Variants in SLC7A11 observed in about 807,000 individuals in gnomAD.
SLC7A11 encodes cystine/glutamate transporter.
A neutral mutation model predicts 54.5 loss-of-function variants in SLC7A11; 35 were observed. The observed-to-expected ratio is 0.64, with a 90% CI of 0.49 to 0.85. The LOEUF (loss-of-function observed/expected upper bound fraction) is 0.85, where lower values mean the gene tolerates loss of function less well. Among genes scored for constraint, SLC7A11 ranks in the 40% least tolerant of loss-of-function variants. The pLI is 0.00. For missense variants in SLC7A11, 583 were observed against 618.1 expected (o/e 0.94, Z 0.60); for synonymous variants, 230 against 225.2 (o/e 1.02, Z -0.19).
intron 2 of SLC7A11, 110 bp downstream of exon 2, chr4:138,236,215 T>C: frequency 1.2e-6 from 1 of 841,606 alleles, no homozygotes; most frequent in South Asian, 2.0e-5. Context: ...TAGACATGTT[T>C]ATCATGTAGT....
Position 138,194,814 on chromosome 4 carries a change from T to C in SLC7A11, c.792-9570A>G, listed in dbSNP as rs111481784. Among the ~76,000 whole-genome samples, 553 of 152,302 alleles carry C rather than the reference T, an allele frequency of 3.6e-3. 1 individual carries two copies. Among genetic ancestry groups the C allele is most frequent in the African/African-American group, 0.013 (533 of 41,564 alleles). On this transcript the variant is annotated intron_variant, in intron 6 of 11. Coordinates refer to ENST00000280612, the MANE Select transcript of SLC7A11 (RefSeq NM_014331.4). ...CTTCCCCATGAGTTGACAAGGGTGT[T>C]GAATTAATGAAATCTAAAGTTCGTT...
chr4:138,192,624 G>T (rs1391321310), intron 6 of SLC7A11, among the ~76,000 whole-genome samples: 1 of 152,056 alleles, frequency 6.6e-6, no homozygotes, highest in Non-Finnish European at 1.5e-5. Flanking sequence ...AAGACTTAAA[G>T]TGGGTCCTCA....
rs181352019 is a variant in SLC7A11 at position 138,179,103 on chromosome 4, T to G, written c.1444+114A>C. The G allele has an allele frequency of 2.7e-5, 19 of 705,456 alleles. No homozygotes were observed. The East Asian group carries it at 4.5e-4, about 17-fold the overall frequency. The allele number at this position is 705,456 out of a possible 1,614,324, so 43.7% of individuals were successfully genotyped here. On this transcript the variant is annotated intron_variant, in intron 11 of 11. Coordinates refer to ENST00000280612, the MANE Select transcript of SLC7A11 (RefSeq NM_014331.4). Reference sequence around the variant, plus strand: ...TTCCAATTAAAATGCCATAATGTTCTCAAATCAATTGTGCCACTTACATTT... The same window carrying G: ...TTCCAATTAAAATGCCATAATGTTCGCAAATCAATTGTGCCACTTACATTT...
chr4:138,226,173 C>T (rs11100856), intron 3 of SLC7A11, among the ~76,000 whole-genome samples: 62,407 of 151,922 alleles, frequency 0.41, 13,655 homozygotes, highest in Middle Eastern at 0.61. Flanking sequence ...CAAAAATTCT[C>T]ATTAAGATGC....
rs1390098372 is a variant in SLC7A11, at chr4:138,168,908, AT to A, written c.*3047del. The A allele has an allele frequency of 6.6e-6, 1 of 152,204 alleles. No individual in the cohort carries two copies. The highest frequency in any genetic ancestry group is 6.6e-5 in the Admixed American group (1 of 15,264). 9.4% of individuals were successfully genotyped at this position (152,204 alleles called of 1,614,324 possible). Reference sequence around the variant, plus strand: ...ACTTTTTAAATGGGGTCAAAACAGTATTATAAGGAAAATATTTACTGCAAAT... The same window carrying A: ...ACTTTTTAAATGGGGTCAAAACAGTATATAAGGAAAATATTTACTGCAAAT... On this transcript the variant is annotated 3_prime_UTR_variant, in exon 12 of 12. Coordinates refer to ENST00000280612, the MANE Select transcript of SLC7A11 (RefSeq NM_014331.4).
At chr4:138,187,458 T>C (rs1032640449) in intron 6 of SLC7A11, among the ~76,000 whole-genome samples, 3 of 152,136 alleles carry the variant, frequency 2.0e-5, no homozygotes, top group Non-Finnish European at 4.4e-5. Context: ...AGAGCTTAAA[T>C]AACTATTTAA....
intron 6 of SLC7A11, among the ~76,000 whole-genome samples, chr4:138,198,102 A>G (rs1427729865): frequency 6.6e-6 from 1 of 151,442 alleles, no homozygotes; most frequent in African/African-American, 2.4e-5. Context: ...AAAAAAATCC[A>G]TTCCAGATAA....
intron 6 of SLC7A11, among the ~76,000 whole-genome samples, chr4:138,203,147 G>A (rs1737327817): frequency 1.3e-5 from 2 of 151,994 alleles, no homozygotes; most frequent in Middle Eastern, 3.2e-3. Flanking sequence ...GGCCTGTGGT[G>A]TAAGGCATGC....
rs1051866673 is a variant in SLC7A11 at position 138,170,931 on chromosome 4, GT to G, written c.*1024del. The G allele has an allele frequency of 3.3e-5, 5 of 152,224 alleles. No homozygotes were observed. The East Asian group carries it at 9.6e-4, about 29-fold the overall frequency. 9.4% of individuals were successfully genotyped at this position (152,224 alleles called of 1,614,324 possible). ...AATGTATAAAGAAAATGCACAAACT[GT>G]CAAAATTCATCATCGTGTAAAAATA... is the stretch of plus-strand genomic sequence containing the variant. On this transcript the variant is annotated 3_prime_UTR_variant, in exon 12 of 12. Coordinates refer to ENST00000280612, the MANE Select transcript of SLC7A11 (RefSeq NM_014331.4).
Position 138,232,390 on chromosome 4 carries a change from A to T in SLC7A11, c.405-8T>A. On this transcript the variant is annotated splice_region_variant and splice_polypyrimidine_tract_variant and intron_variant, in intron 2 of 11. Transcript: ENST00000280612. Reference sequence around the variant, plus strand: ...ACAGCAGTAGCTGCAGGGCTAAAAAAAAATGTATATATTTAGGTTAACCAC... The same window carrying T: ...ACAGCAGTAGCTGCAGGGCTAAAAATAAATGTATATATTTAGGTTAACCAC... The T allele has an allele frequency of 6.6e-7, 1 of 1,517,396 alleles. No homozygotes were observed. The highest frequency in any genetic ancestry group is 9.1e-7 in the Non-Finnish European group (1 of 1,094,928). 94.0% of individuals were successfully genotyped at this position (1,517,396 alleles called of 1,614,324 possible).
At chr4:138,193,447 C>T (rs1437929553) in intron 6 of SLC7A11, among the ~76,000 whole-genome samples, 3 of 152,098 alleles carry the variant, frequency 2.0e-5, no homozygotes, top group Non-Finnish European at 4.4e-5. Context: ...GTTCTAGATG[C>T]TCAAAGTCAT....
At chr4:138,224,838 G>C (rs1375178760) in intron 3 of SLC7A11, among the ~76,000 whole-genome samples, 1 of 148,762 alleles carries the variant, frequency 6.7e-6, no homozygotes, top group African/African-American at 2.5e-5. Context: ...AAGGAAGGAA[G>C]GAAGGAAGGA....
intron 6 of SLC7A11, among the ~76,000 whole-genome samples, chr4:138,193,911 T>C (rs901870497): frequency 6.6e-6 from 1 of 152,210 alleles, no homozygotes; most frequent in Non-Finnish European, 1.5e-5. Flanking sequence ...AATTTTTCAC[T>C]GCAATAAATC....
At chr4:138,211,496 A>G (rs1227489088) in intron 6 of SLC7A11, among the ~76,000 whole-genome samples, 1 of 151,950 alleles carries the variant, frequency 6.6e-6, no homozygotes, top group Non-Finnish European at 1.5e-5. Flanking sequence ...ACCACTAAAA[A>G]TAGAACTTCC....
chr4:138,174,500 G>C (rs1736516808), intron 11 of SLC7A11: 1 of 152,196 alleles, frequency 6.6e-6, no homozygotes, highest in Non-Finnish European at 1.5e-5. Flanking sequence ...CGTAATGAAG[G>C]CTTCTGCAGA....
intron 6 of SLC7A11, among the ~76,000 whole-genome samples, chr4:138,200,299 G>T (rs1490789713): frequency 6.6e-6 from 1 of 152,066 alleles, no homozygotes; most frequent in Non-Finnish European, 1.5e-5. Flanking sequence ...TAACATTTCA[G>T]CATTTCCTAA....
At position 138,193,897 on chromosome 4, in the gene SLC7A11, A is replaced by G. The variant is rs185318238; in HGVS notation, c.792-8653T>C. 1.8e-3 allele frequency among the ~76,000 whole-genome samples: 281 copies of G among 152,326 alleles called. 1 individual carries two copies. The highest frequency in any genetic ancestry group is 6.4e-3 in the African/African-American group (265 of 41,566). ...TGCACATATTTGACCCTAAAATTGA[A>G]AATAATTTTTCACTGCAATAAATCT... On this transcript the variant is annotated intron_variant, in intron 6 of 11. Transcript: ENST00000280612.
At chr4:138,226,566 C>G (rs1737953888) in intron 3 of SLC7A11, among the ~76,000 whole-genome samples, 1 of 122,790 alleles carries the variant, frequency 8.1e-6, no homozygotes, top group Non-Finnish European at 1.9e-5. Context: ...AACAAGGCAG[C>G]CAGCGAGAGG....
chr4:138,211,129 T>C (rs966296545), intron 6 of SLC7A11, among the ~76,000 whole-genome samples: 1 of 151,976 alleles, frequency 6.6e-6, no homozygotes, highest in Non-Finnish European at 1.5e-5. Flanking sequence ...CTATGCAAAT[T>C]AACAGAGAAA....
Sources: allele counts gnomAD v4.1 joint callset (sites outside exome capture counted in the v4.1 genomes callset), GRCh38; gene constraint gnomAD v4.1.1; transcripts MANE v1.5; gene names NCBI Gene and HGNC (gene_info 2026-07-23, HGNC 2026-07-21).